The following SORCS1 variants were observed in gnomAD, a reference collection of about 807,000 sequenced individuals.
The protein encoded by SORCS1 is VPS10 domain-containing receptor SorCS1.
In SORCS1, 60 loss-of-function variants were observed where a neutral mutation model predicts 146.1. The ratio of observed to expected loss-of-function variants is 0.41; its 90% CI spans 0.33 to 0.51. The LOEUF (loss-of-function observed/expected upper bound fraction) is 0.51, where lower values mean the gene tolerates loss of function less well. Among genes scored for constraint, SORCS1 ranks in the 20% least tolerant of loss-of-function variants. The pLI, the probability that SORCS1 is intolerant of heterozygous loss-of-function variation, is 0.21. For synonymous variants in SORCS1, 637 were observed against 584.0 expected (o/e 1.09, Z -1.31); for missense variants, 1,352 against 1,487.6 (o/e 0.91, Z 1.50).
chr10:107,148,408 A>C (rs1425514023), intron 1 of SORCS1, among the ~76,000 whole-genome samples: 1 of 152,174 alleles, frequency 6.6e-6, no homozygotes, highest in Non-Finnish European at 1.5e-5. Flanking sequence ...TGTTCCAGTA[A>C]GATTTTATAT....
At chr10:106,844,061 T>A (rs897024618) in intron 2 of SORCS1, among the ~76,000 whole-genome samples, 5 of 152,348 alleles carry the variant, frequency 3.3e-5, no homozygotes, top group African/African-American at 1.2e-4. Flanking sequence ...TATCTTTTGA[T>A]ATTTTGATAA....
chr10:106,843,240 A>G (rs188687842), intron 2 of SORCS1, among the ~76,000 whole-genome samples: 1 of 152,046 alleles, frequency 6.6e-6, no homozygotes, highest in African/African-American at 2.4e-5. Context: ...TTTGACTCAT[A>G]TTTCCACTTT....
chr10:107,057,693 C>T (rs1035249267), intron 1 of SORCS1, among the ~76,000 whole-genome samples: 7 of 152,258 alleles, frequency 4.6e-5, no homozygotes, highest in South Asian at 2.1e-4. Context: ...TTTGATTTGC[C>T]GAGCATTTTT....
chr10:107,050,524 G>C (rs2134046072), intron 1 of SORCS1, among the ~76,000 whole-genome samples: 1 of 152,228 alleles, frequency 6.6e-6, no homozygotes, highest in South Asian at 2.1e-4. Context: ...CTCTATTTAG[G>C]CTTTATTTCC....
At chr10:106,736,454 T>C (rs977880478) in intron 5 of SORCS1, among the ~76,000 whole-genome samples, 9 of 152,116 alleles carry the variant, frequency 5.9e-5, no homozygotes, top group African/African-American at 2.2e-4. Context: ...ACAAAGTCCA[T>C]GAGGGCAACA....
chr10:107,048,857 T>A (rs1959791572), intron 1 of SORCS1, among the ~76,000 whole-genome samples: 1 of 152,188 alleles, frequency 6.6e-6, no homozygotes, highest in African/African-American at 2.4e-5. Flanking sequence ...ACTAAGGCCA[T>A]GTTTAATGAC....
At chr10:106,670,696 AT>A (rs563511704) in intron 16 of SORCS1, among the ~76,000 whole-genome samples, 1,884 of 131,944 alleles carry the variant, frequency 0.014, 13 homozygotes, top group East Asian at 0.027. Context: ...GAATCTGCCC[AT>A]TTTTTTTTTT....
chr10:106,583,866 C>T (rs1589662806), intron 24 of SORCS1, among the ~76,000 whole-genome samples: 1 of 152,114 alleles, frequency 6.6e-6, no homozygotes, highest in Non-Finnish European at 1.5e-5. Flanking sequence ...AGGTCAATAA[C>T]ATGGTAGCAT....
intron 4 of SORCS1, among the ~76,000 whole-genome samples, chr10:106,765,082 T>C (rs1341459190): frequency 6.7e-6 from 1 of 149,290 alleles, no homozygotes; most frequent in African/African-American, 2.5e-5. Context: ...CTAACATTAG[T>C]ATAAATGTTG....
chr10:106,878,922 C>T (rs189226805), intron 2 of SORCS1, among the ~76,000 whole-genome samples: 2,035 of 151,226 alleles, frequency 0.013, 15 homozygotes, highest in Non-Finnish European at 0.021. Context: ...CTGAGGCTGG[C>T]GAATCATGAG....
At chr10:106,765,890 TAGAC>T (rs529692248) in intron 4 of SORCS1, among the ~76,000 whole-genome samples, 3 of 152,162 alleles carry the variant, frequency 2.0e-5, no homozygotes, top group African/African-American at 4.8e-5. Context: ...TTCAGATTGT[TAGAC>T]AGGTGCACGT....
At chr10:107,175,623 A>T in the SORCS1 span, among the ~76,000 whole-genome samples, 2 of 151,982 alleles carry the variant, frequency 1.3e-5, no homozygotes, top group Admixed American at 1.3e-4. Flanking sequence ...TTTGGTAGAG[A>T]CGGGGTTTCA....
intron 2 of SORCS1, among the ~76,000 whole-genome samples, chr10:106,918,942 T>A (rs2138368539): frequency 6.6e-6 from 1 of 152,228 alleles, no homozygotes; most frequent in South Asian, 2.1e-4. Flanking sequence ...GAGCAAGCAA[T>A]CCTCCTGCCT....
chr10:106,646,477 C>A lies in SORCS1; in HGVS notation c.2475+5905G>T, dbSNP rs558089295. 2.9e-3 allele frequency among the ~76,000 whole-genome samples: 440 copies of A among 152,068 alleles called. 3 individuals carry two copies. Among genetic ancestry groups the A allele is most frequent in the Non-Finnish European group, 5.4e-3 (366 of 67,974 alleles). On this transcript the variant is annotated intron_variant, in intron 18 of 25. Transcript: ENST00000263054. ...TTGGGAGGCCAAGGTGGGAGGATCA[C>A]TTGAGTTTAGGAGTTCGAGACGAGC...
chr10:107,122,913 T>A (rs1966488558), intron 1 of SORCS1, among the ~76,000 whole-genome samples: 3 of 152,130 alleles, frequency 2.0e-5, no homozygotes, highest in Admixed American at 1.3e-4. Context: ...AAAGACAGTA[T>A]CAGTCATTTT....
chr10:106,653,289 G>A (rs1029359711), intron 17 of SORCS1, among the ~76,000 whole-genome samples: 11 of 152,110 alleles, frequency 7.2e-5, no homozygotes, highest in African/African-American at 2.4e-4. Flanking sequence ...AGATTTTTGA[G>A]GTTCAGCGTT....
chr10:106,713,652 AC>A (rs757271966), intron 6 of SORCS1, among the ~76,000 whole-genome samples: 2 of 152,214 alleles, frequency 1.3e-5, no homozygotes, highest in Non-Finnish European at 2.9e-5. Context: ...TGCAGAGTAT[AC>A]CAACTGACTT....
chr10:106,944,732 TCTCTG>T (rs1367877569), intron 2 of SORCS1, among the ~76,000 whole-genome samples: 4 of 152,046 alleles, frequency 2.6e-5, no homozygotes, highest in African/African-American at 9.7e-5. Context: ...ACAGACAAGG[TCTCTG>T]CCCTCAGCGA....
intron 2 of SORCS1, among the ~76,000 whole-genome samples, chr10:106,914,649 A>G (rs569364437): frequency 2.0e-5 from 3 of 152,278 alleles, no homozygotes; most frequent in Admixed American, 2.0e-4. Context: ...GCATGAATTG[A>G]CCTAGATAAC....
Sources: gnomAD v4.1 joint callset for allele counts (sites outside exome capture counted in the v4.1 genomes callset) on GRCh38, gnomAD v4.1.1 for gene constraint, MANE v1.5 for transcripts, NCBI Gene and HGNC (gene_info 2026-07-23, HGNC 2026-07-21) for gene names.